The following RPS6KA2 variants were observed in gnomAD, a reference collection of about 807,000 sequenced individuals.
RPS6KA2 encodes ribosomal protein S6 kinase A2.
RPS6KA2 carries 42 observed loss-of-function variants against 91.8 expected under a neutral mutation model. The observed-to-expected ratio is 0.46, with a 90% confidence interval of 0.36 to 0.59. The LOEUF is 0.59. RPS6KA2 is among the 20% of genes least tolerant of loss of function. The pLI, the probability that RPS6KA2 is intolerant of heterozygous loss-of-function variation, is 0.00. For synonymous variants in RPS6KA2, 414 were observed against 393.6 expected (o/e 1.05, Z -0.61); for missense variants, 798 against 978.5 (o/e 0.82, Z 2.46).
In RPS6KA2 at chr6:166,486,998, G is replaced by A. The variant is rs148579873; in HGVS notation, c.907+1835C>T. ...TCCAGCCCCAGGCTGTGGTGTGGAC[G>A]TTTCATAATTGATTCAATGATTTCC... On this transcript the variant is annotated intron_variant, in intron 10 of 20. Transcript: ENST00000265678. Among the ~76,000 whole-genome samples, 5 of 152,348 alleles carry A rather than the reference G, an allele frequency of 3.3e-5. No individual in the cohort carries two copies. In the East Asian group the frequency reaches 5.8e-4, roughly 18 times the overall value.
At chr6:166,458,411 C>T (rs773148676) in intron 12 of RPS6KA2, among the ~76,000 whole-genome samples, 5 of 152,162 alleles carry the variant, frequency 3.3e-5, no homozygotes, top group Non-Finnish European at 4.4e-5. Flanking sequence ...CCTTCTGCCA[C>T]GATTGTGAGG....
At chr6:166,810,599 G>T (rs1420654744) in intron 2 of RPS6KA2, among the ~76,000 whole-genome samples, 1 of 152,202 alleles carries the variant, frequency 6.6e-6, no homozygotes, top group Admixed American at 6.5e-5. Context: ...ATCAGGCTTT[G>T]TAAGTTGCCT....
chr6:166,830,138 A>AGAAAGAAAGAAAGAAAGAAAGAAAGAAAG (rs1383896028), intron 2 of RPS6KA2, among the ~76,000 whole-genome samples: 1 of 129,042 alleles, frequency 7.7e-6, no homozygotes, highest in African/African-American at 2.9e-5. Flanking sequence ...AAAAAAAAAA[A>AGAAAGAAAGAAAGAAAGAAAGAAAGAAAG]AAAGAAAGAA....
chr6:166,760,931 G>A (rs997253039), intron 2 of RPS6KA2, among the ~76,000 whole-genome samples: 2 of 152,222 alleles, frequency 1.3e-5, no homozygotes, highest in African/African-American at 4.8e-5. Flanking sequence ...CAGGCCTTTG[G>A]TCTCTGGCTA....
intron 1 of RPS6KA2, among the ~76,000 whole-genome samples, chr6:166,587,359 C>CA (rs1447395729): frequency 6.6e-6 from 1 of 152,156 alleles, no homozygotes; most frequent in African/African-American, 2.4e-5. Flanking sequence ...AATGTACCAT[C>CA]AAAATCAGTT....
At chr6:166,601,840 C>A (rs1397246317) in intron 1 of RPS6KA2, among the ~76,000 whole-genome samples, 1 of 152,022 alleles carries the variant, frequency 6.6e-6, no homozygotes, top group Non-Finnish European at 1.5e-5. Context: ...GGATAGACTT[C>A]TTAATTAAGA....
At chr6:166,618,956 G>A (rs117431269) in intron 1 of RPS6KA2, among the ~76,000 whole-genome samples, 155 of 152,324 alleles carry the variant, frequency 1.0e-3, no homozygotes, top group Non-Finnish European at 1.7e-3. Context: ...TCCGATTGAC[G>A]CCATCAGATT....
chr6:166,541,272 C>T (rs1157228350), intron 1 of RPS6KA2, among the ~76,000 whole-genome samples: 19 of 152,252 alleles, frequency 1.2e-4, no homozygotes, highest in Admixed American at 7.2e-4. Flanking sequence ...GTGGGGCAGG[C>T]GAGGCACGAG....
At chr6:166,444,235 C>T (rs541222521) in intron 14 of RPS6KA2, among the ~76,000 whole-genome samples, 81 of 152,296 alleles carry the variant, frequency 5.3e-4, no homozygotes, top group African/African-American at 1.9e-3. Flanking sequence ...TTTTAATCCT[C>T]CTGGATCACG....
chr6:166,809,604 T>C (rs1022035328), intron 2 of RPS6KA2, among the ~76,000 whole-genome samples: 2 of 152,188 alleles, frequency 1.3e-5, no homozygotes, highest in African/African-American at 4.8e-5. Context: ...GTTAAAGTCA[T>C]GTCAGATAAA....
At chr6:166,506,993 T>C (rs1300042297) in intron 5 of RPS6KA2, among the ~76,000 whole-genome samples, 1 of 152,046 alleles carries the variant, frequency 6.6e-6, no homozygotes, top group African/African-American at 2.4e-5. Flanking sequence ...TGCAGTGAAG[T>C]TGCATCCTGG....
chr6:166,524,158 T>G (rs1299236398), intron 3 of RPS6KA2, among the ~76,000 whole-genome samples: 1 of 152,122 alleles, frequency 6.6e-6, no homozygotes, highest in African/African-American at 2.4e-5. Flanking sequence ...AACAGAGAGA[T>G]TCTGCTGGAA....
chr6:166,558,461 A>C (rs1189884579), intron 1 of RPS6KA2, among the ~76,000 whole-genome samples: 1 of 152,192 alleles, frequency 6.6e-6, no homozygotes, highest in Non-Finnish European at 1.5e-5. Flanking sequence ...ACCCTCACAG[A>C]CATACCCAGA....
chr6:166,743,236 C>A (rs1790869822), intron 2 of RPS6KA2, among the ~76,000 whole-genome samples: 1 of 152,252 alleles, frequency 6.6e-6, no homozygotes, highest in African/African-American at 2.4e-5. Flanking sequence ...ACAGCTCACT[C>A]TCCTTTTGAG....
chr6:166,577,597 CT>C (rs1784875178), intron 1 of RPS6KA2, among the ~76,000 whole-genome samples: 2 of 152,156 alleles, frequency 1.3e-5, no homozygotes, highest in South Asian at 4.1e-4. Context: ...AATTTCTCCC[CT>C]TTGGAACAAT....
intron 1 of RPS6KA2, among the ~76,000 whole-genome samples, chr6:166,553,679 C>G (rs1784089948): frequency 6.6e-6 from 1 of 152,064 alleles, no homozygotes; most frequent in Non-Finnish European, 1.5e-5. Context: ...CACATATTAT[C>G]ACACGTGCGG....
At chr6:166,689,032 C>G (rs1445591639) in intron 2 of RPS6KA2, among the ~76,000 whole-genome samples, 2 of 152,266 alleles carry the variant, frequency 1.3e-5, no homozygotes, top group African/African-American at 4.8e-5. Context: ...ACAAAGGAAA[C>G]TCCCTGAGTA....
rs76265688 is a variant in RPS6KA2, at chr6:166,774,869, C to T, written c.123+83331G>A. On this transcript the variant is annotated intron_variant, in intron 2 of 21. Transcript: ENST00000503859. ...TGGCATGTGTGCTTCTTGTCTGTGACCTCTGAGGAGTCGGATCCCCAGGTG... is the reference window on the plus strand; with the variant it reads ...TGGCATGTGTGCTTCTTGTCTGTGATCTCTGAGGAGTCGGATCCCCAGGTG... Among the ~76,000 whole-genome samples the T allele has an allele frequency of 0.013, 1,931 of 144,216 alleles. 84 individuals are homozygous for T. The East Asian group carries it at 0.17, about 13-fold the overall frequency. The allele number at this position is 144,216 out of a possible 152,430, so 94.6% of individuals were successfully genotyped here.
intron 2 of RPS6KA2, among the ~76,000 whole-genome samples, chr6:166,760,574 T>C (rs143545801): frequency 0.011 from 1,603 of 152,352 alleles, 16 homozygotes; most frequent in Non-Finnish European, 0.016. Flanking sequence ...TAGCATAGGT[T>C]AGATCAGTGC....
Sources: allele counts gnomAD v4.1 joint callset (sites outside exome capture counted in the v4.1 genomes callset), GRCh38; gene constraint gnomAD v4.1.1; transcripts MANE v1.5; gene names NCBI Gene and HGNC (gene_info 2026-07-23, HGNC 2026-07-21).